The following MAGT1 variants were observed in gnomAD, a reference collection of about 807,000 sequenced individuals.
MAGT1 encodes magnesium transporter 1.
A neutral mutation model predicts 28.4 loss-of-function variants in MAGT1; 4 were observed. The observed-to-expected ratio is 0.14, with a 90% confidence interval of 0.07 to 0.32. MAGT1 has a LOEUF of 0.32. Ranked by LOEUF, MAGT1 falls within the 10% of genes least tolerant of loss-of-function variation. The pLI is 1.00. For missense variants in MAGT1, 193 were observed against 264.5 expected (o/e 0.73, Z 1.88); for synonymous variants, 89 against 89.7 (o/e 0.99, Z 0.04).
chrX:77,872,357 A>G (rs782654574), intron 2 of MAGT1, among the ~76,000 whole-genome samples: 2 of 111,543 alleles, frequency 1.8e-5, no homozygotes, highest in East Asian at 5.6e-4. Flanking sequence ...TCCAATCCTT[A>G]CACTGCAATA....
intron 3 of MAGT1, among the ~76,000 whole-genome samples, chrX:77,863,328 C>T (rs1053372984): frequency 1.8e-5 from 2 of 109,061 alleles, no homozygotes; most frequent in African/African-American, 3.3e-5. Flanking sequence ...ATGGCTAACA[C>T]GGTGAAGCCC....
intron 2 of MAGT1, 80 bp from the exon 3 acceptor site, chrX:77,871,005 C>G: frequency 2.9e-6 from 2 of 686,780 alleles, no homozygotes; most frequent in East Asian, 6.5e-5. Context: ...TAAAACAGGT[C>G]CAAGCAAGCA....
rs782579720 is a variant in MAGT1 at position 77,874,273 on chromosome X, A to T, written c.272+1155T>A. ...GCTGAGATCACAGACATGAGCTACC[A>T]CACCCAGCTGCATCTTTTTTTTAAA... is the stretch of plus-strand genomic sequence containing the variant. On this transcript the variant is annotated intron_variant, in intron 2 of 9. Coordinates refer to ENST00000618282, the MANE Select transcript of MAGT1 (RefSeq NM_001367916.1). 9.5e-4 allele frequency among the ~76,000 whole-genome samples: 98 copies of T among 103,177 alleles called. 2 individuals carry two copies. The East Asian group carries it at 0.031, about 33-fold the overall frequency. 89.6% of individuals were successfully genotyped at this position (103,177 alleles called of 115,157 possible).
intron 1 of MAGT1, among the ~76,000 whole-genome samples, chrX:77,876,162 ATATTT>A (rs1322540209): frequency 5.3e-5 from 2 of 37,967 alleles, no homozygotes; most frequent in Non-Finnish European, 8.5e-5. Flanking sequence ...ATATATATAT[ATATTT>A]TTTTTTTTTT....
At chrX:77,847,603 TTC>T (rs2076955564) in intron 7 of MAGT1, among the ~76,000 whole-genome samples, 1 of 109,263 alleles carries the variant, frequency 9.2e-6, no homozygotes, top group Admixed American at 9.8e-5. Context: ...ATGTGATCAT[TTC>T]TTTCTTTTTT....
At chrX:77,830,754 A>G in intron 9 of MAGT1, 51 bp downstream of exon 9, 1 of 686,858 alleles carries the variant, frequency 1.5e-6, no homozygotes, top group East Asian at 3.7e-5. Context: ...ATCAACTCTA[A>G]TCATTCCAGG....
At chrX:77,868,853 T>C (rs912890595) in intron 3 of MAGT1, among the ~76,000 whole-genome samples, 1 of 111,013 alleles carries the variant, frequency 9.0e-6, no homozygotes, top group African/African-American at 3.3e-5. Context: ...GAGGTCATGA[T>C]TGACAGAGCA....
At chrX:77,895,547 T>C (rs897707593), upstream of MAGT1, 27 of 1,091,682 alleles carry the variant, frequency 2.5e-5, no homozygotes, top group East Asian at 6.0e-4. Flanking sequence ...TCACATTACG[T>C]CACAGCGCGC....
chrX:77,875,497 G>A lies in MAGT1; in HGVS notation c.203C>T (p.Pro68Leu). The change falls in exon 2 of 10, where the codon CCA becomes CTA. Residue 68 changes from proline to leucine, a missense_variant. Physicochemically the swap from Pro to Leu is moderately conservative, Grantham distance 98 (BLOSUM62 -3). Transcript: ENST00000618282. ...GDKFRRLVKAPPRNYSVIVMF... is the reference protein window; with the variant it reads ...GDKFRRLVKALPRNYSVIVMF... ...GACGATAACGGAGTAATTTCTCGGT[G>A]GGGCTTTCACAAGGCGACGGAACTT... is the stretch of plus-strand genomic sequence containing the variant. 1 of 1,209,490 alleles carries A rather than the reference G, an allele frequency of 8.3e-7. No individual in the cohort carries two copies. The highest frequency in any genetic ancestry group is 1.1e-6 in the Non-Finnish European group (1 of 894,232).
At chrX:77,855,660 T>C in intron 5 of MAGT1, 70 bp from the exon 6 acceptor site, 2 of 801,292 alleles carry the variant, frequency 2.5e-6, no homozygotes, top group Non-Finnish European at 1.9e-6. Context: ...AACAGGAATA[T>C]GAAAATGTGC....
intron 3 of MAGT1, among the ~76,000 whole-genome samples, chrX:77,870,302 G>A (rs1459835547): frequency 2.7e-5 from 3 of 110,838 alleles, no homozygotes; most frequent in Non-Finnish European, 3.8e-5. Context: ...TTTGGGTACA[G>A]TGTACGCTGC....
chrX:77,879,216 C>T (rs959278714), intron 1 of MAGT1, among the ~76,000 whole-genome samples: 1 of 111,071 alleles, frequency 9.0e-6, no homozygotes, highest in Non-Finnish European at 1.9e-5. Context: ...GCCACCACGC[C>T]TGGCTAATTT....
chrX:77,871,233 C>T (rs782216047), intron 2 of MAGT1, among the ~76,000 whole-genome samples: 3 of 112,329 alleles, frequency 2.7e-5, no homozygotes, highest in Admixed American at 9.6e-5. Flanking sequence ...TATAGCTAAT[C>T]GCCTCTACAA....
chrX:77,880,345 G>C (rs990823580), intron 1 of MAGT1, among the ~76,000 whole-genome samples: 7 of 106,174 alleles, frequency 6.6e-5, no homozygotes, highest in Admixed American at 2.0e-4. Flanking sequence ...CTGGCCAACA[G>C]GGTGAAACCC....
chrX:77,835,445 G>A (rs1306389226), intron 8 of MAGT1, among the ~76,000 whole-genome samples: 1 of 111,461 alleles, frequency 9.0e-6, no homozygotes, highest in East Asian at 2.8e-4. Context: ...TGGCGAGGAT[G>A]TGGAAAAAAG....
At chrX:77,878,679 C>T (rs1288226408) in intron 1 of MAGT1, among the ~76,000 whole-genome samples, 1 of 105,026 alleles carries the variant, frequency 9.5e-6, no homozygotes, top group Non-Finnish European at 1.9e-5. Flanking sequence ...ATCCCAGCTA[C>T]TCAGGAGGCT....
At chrX:77,847,769 G>A (rs1260499184) in intron 7 of MAGT1, among the ~76,000 whole-genome samples, 1 of 109,760 alleles carries the variant, frequency 9.1e-6, no homozygotes, top group African/African-American at 3.3e-5. Context: ...ATGCCACCAC[G>A]CCTGGCTAAT....
At position 77,857,328 on chromosome X, in the gene MAGT1, G is replaced by T. The variant is rs1557216085; in HGVS notation, c.531+29C>A. The T allele has an allele frequency of 3.3e-6, 4 of 1,210,545 alleles. No individual in the cohort carries two copies. In the Admixed American group the frequency reaches 8.7e-5, roughly 26 times the overall value. Reference sequence around the variant, plus strand: ...AAGATTCAAAGGGGATAATGGCCAAGAAACAGTCTACATAGTTGGGAAACT... The same window carrying T: ...AAGATTCAAAGGGGATAATGGCCAATAAACAGTCTACATAGTTGGGAAACT... On this transcript the variant is annotated intron_variant, in intron 4 of 9. Coordinates refer to ENST00000618282, the MANE Select transcript of MAGT1 (RefSeq NM_001367916.1).
intron 3 of MAGT1, chrX:77,868,278 A>T (rs2077012282): frequency 1.5e-5 from 1 of 67,394 alleles, no homozygotes; most frequent in African/African-American, 3.5e-5. Flanking sequence ...TTATAAACAA[A>T]GACAAAATTG....
Sources: allele counts gnomAD v4.1 joint callset (sites outside exome capture counted in the v4.1 genomes callset), GRCh38; gene constraint gnomAD v4.1.1; transcripts MANE v1.5; gene names NCBI Gene and HGNC (gene_info 2026-07-23, HGNC 2026-07-21).